CABP1: variants seen among roughly 807,000 people sequenced by gnomAD.
The protein encoded by CABP1 is calcium-binding protein 1.
Under a neutral mutation model 34.3 loss-of-function variants are expected in CABP1, and 17 were observed. That is an observed-to-expected ratio of 0.50 (90% CI 0.34 to 0.74). CABP1 has a LOEUF of 0.74. CABP1 is among the 30% of genes least tolerant of loss of function. The probability of loss-of-function intolerance (pLI) is 0.01; values close to 1 mark genes in which losing one functional copy is unlikely to be tolerated. For missense variants in CABP1, 373 were observed against 511.1 expected (o/e 0.73, Z 2.61); for synonymous variants, 198 against 229.2 (o/e 0.86, Z 1.23).
At position 120,667,027 on chromosome 12, in the gene CABP1, C is replaced by T; in HGVS notation, c.*127C>T. On this transcript the variant is annotated 3_prime_UTR_variant, in exon 6 of 6. Coordinates refer to ENST00000316803, the MANE Select transcript of CABP1 (RefSeq NM_001033677.2). ...CTGGCGGATGGGGCCTGCCTGCACCCCGGGGAGGCGCCCACCCCGGACCCC... is the reference window on the plus strand; with the variant it reads ...CTGGCGGATGGGGCCTGCCTGCACCTCGGGGAGGCGCCCACCCCGGACCCC... 1 of 1,193,402 alleles carries T rather than the reference C, an allele frequency of 8.4e-7. No homozygotes were observed. Among genetic ancestry groups the T allele is most frequent in the Non-Finnish European group, 1.2e-6 (1 of 839,614 alleles). The allele number at this position is 1,193,402 out of a possible 1,614,324, so 73.9% of individuals were successfully genotyped here. A position where few individuals can be genotyped will look rare whatever the true frequency, so the allele number is the denominator to read the frequency against.
chr12:120,675,205 G>A, the CABP1 span, among the ~76,000 whole-genome samples: 5 of 151,798 alleles, frequency 3.3e-5, no homozygotes, highest in African/African-American at 7.2e-5. Flanking sequence ...GGTGTGCACC[G>A]CCACGCCCAG....
rs1318486233 is a variant in CABP1 at position 120,666,983 on chromosome 12, G to A, written c.*83G>A. The A allele has an allele frequency of 8.0e-6, 12 of 1,506,466 alleles. No individual in the cohort carries two copies. In the Admixed American group the frequency reaches 1.2e-4, roughly 15 times the overall value. 93.3% of individuals were successfully genotyped at this position (1,506,466 alleles called of 1,614,324 possible). ...AGAGCTTGCCTCACCCGCTGTAGCC[G>A]CCGAGAGCCCAGGATGTACTGGCGG... is the stretch of plus-strand genomic sequence containing the variant. On this transcript the variant is annotated 3_prime_UTR_variant, in exon 6 of 6. Coordinates refer to ENST00000316803, the MANE Select transcript of CABP1 (RefSeq NM_001033677.2).
intron 1 of CABP1, chr12:120,655,740 T>C (rs1236100175): frequency 6.9e-7 from 1 of 1,459,544 alleles, no homozygotes; most frequent in African/African-American, 1.4e-5. Context: ...ACACTTCCCA[T>C]TGGTGAGAAT....
intron 1 of CABP1, chr12:120,656,305 C>G (rs1880209609): frequency 1.3e-6 from 2 of 1,508,276 alleles, no homozygotes; most frequent in Non-Finnish European, 1.8e-6. Flanking sequence ...GCCCGCTGAA[C>G]TTGGCTTCAC....
At chr12:120,672,463 T>C in the CABP1 span, among the ~76,000 whole-genome samples, 1 of 151,546 alleles carries the variant, frequency 6.6e-6, no homozygotes, top group Admixed American at 6.6e-5. Context: ...AGAAACCCTG[T>C]CTCTACTAAA....
rs1880840441 is a variant in CABP1, at chr12:120,664,435, G to T, written c.1088-2440G>T. On this transcript the variant is annotated intron_variant, in intron 5 of 5. Transcript: ENST00000316803. Reference sequence around the variant, plus strand: ...TTACCCAAATGAGTTGAAAACCTATGTCCACACAAATCTGTACATAGATGC... The same window carrying T: ...TTACCCAAATGAGTTGAAAACCTATTTCCACACAAATCTGTACATAGATGC... 3.9e-5 allele frequency among the ~76,000 whole-genome samples: 6 copies of T among 152,310 alleles called. No homozygotes were observed. In the South Asian group the frequency reaches 1.2e-3, roughly 32 times the overall value.
intron 5 of CABP1, among the ~76,000 whole-genome samples, chr12:120,666,299 C>G (rs1880979398): frequency 6.7e-6 from 1 of 150,282 alleles, no homozygotes; most frequent in Admixed American, 6.6e-5. Context: ...CATGGTGAAA[C>G]CCCATCTCTA....
intron 1 of CABP1, among the ~76,000 whole-genome samples, chr12:120,648,937 T>C (rs1319725799): frequency 1.3e-5 from 2 of 150,684 alleles, no homozygotes; most frequent in African/African-American, 4.9e-5. Flanking sequence ...CTCCCCGTCC[T>C]TCCCATTCAT....
intron 5 of CABP1, among the ~76,000 whole-genome samples, chr12:120,665,743 C>A (rs1880931843): frequency 6.6e-6 from 1 of 151,952 alleles, no homozygotes; most frequent in Admixed American, 6.6e-5. Flanking sequence ...AGAGAGAGGC[C>A]CGGCGCGGTG....
In CABP1 at chr12:120,660,110, T is replaced by C. The variant is rs1411428748; in HGVS notation, c.686-86T>C. The C allele has an allele frequency of 1.9e-6, 3 of 1,543,960 alleles. No individual in the cohort carries two copies. The highest frequency in any genetic ancestry group is 2.7e-6 in the Non-Finnish European group (3 of 1,131,066). ...GGAAGCTCCTGGGCCTCTCTTTCCA[T>C]GCCGGTGGGCCTTTGGGCTGCCTTT... is the stretch of plus-strand genomic sequence containing the variant. On this transcript the variant is annotated intron_variant, in intron 2 of 5. Transcript: ENST00000316803. The surrounding 1 kb of genome is among the most constrained non-coding windows in gnomAD (Gnocchi z 5.0).
intron 5 of CABP1, 39 bp from the exon 6 acceptor site, chr12:120,666,836 G>T: frequency 6.3e-7 from 1 of 1,589,208 alleles, no homozygotes. Flanking sequence ...GAGGCCTCTG[G>T]CTGCTGCTTG....
At chr12:120,656,852 G>A (rs1200882058) in intron 1 of CABP1, among the ~76,000 whole-genome samples, 1 of 152,124 alleles carries the variant, frequency 6.6e-6, no homozygotes, top group Non-Finnish European at 1.5e-5. Flanking sequence ...CCAAGGTCGC[G>A]CCATGGCACT....
At chr12:120,650,086 G>A (rs1879750071) in intron 1 of CABP1, 1 of 157,012 alleles carries the variant, frequency 6.4e-6, no homozygotes, top group Non-Finnish European at 1.4e-5. Flanking sequence ...GGAGCTGTGC[G>A]GCAGGCACCC....
chr12:120,649,488 C>T (rs1879710129), intron 1 of CABP1, among the ~76,000 whole-genome samples: 1 of 152,114 alleles, frequency 6.6e-6, no homozygotes, highest in Non-Finnish European at 1.5e-5. Flanking sequence ...ATATCAAAGC[C>T]GACCCTGGAG....
At chr12:120,676,359 G>A in the CABP1 span, among the ~76,000 whole-genome samples, 3 of 152,044 alleles carry the variant, frequency 2.0e-5, no homozygotes, top group Non-Finnish European at 2.9e-5. Flanking sequence ...TATAGGACTC[G>A]TTACCTCCCC....
At chr12:120,651,665 C>T (rs1879855172) in intron 1 of CABP1, among the ~76,000 whole-genome samples, 1 of 152,204 alleles carries the variant, frequency 6.6e-6, no homozygotes, top group African/African-American at 2.4e-5. Context: ...TCCCCAACCC[C>T]ATCCTATCTT....
In CABP1 at chr12:120,659,891, G is replaced by C; in HGVS notation, c.668G>C (p.Arg223Pro). ...CTTTTGTTTCAGGATAGATCACTGC[G>C]ACCAGAGGAAATTGAAGGTAAAACT... ...SSAFGQDRSL[R>P]PEEIEELREA... Residue 223 changes from arginine to proline, a missense_variant, in exon 2 of 6, where the codon CGA (arginine) becomes CCA (proline). By Grantham distance (103) the Arg-to-Pro change is moderately radical (BLOSUM62 -2). Coordinates refer to ENST00000316803, the MANE Select transcript of CABP1 (RefSeq NM_001033677.2). 6.2e-7 allele frequency: 1 copy of C among 1,613,944 alleles called. No individual in the cohort carries two copies. The highest frequency in any genetic ancestry group is 8.5e-7 in the Non-Finnish European group (1 of 1,179,982).
At position 120,661,922 on chromosome 12, in the gene CABP1, A is replaced by G. The variant is rs1156244617; in HGVS notation, c.1087+704A>G. On this transcript the variant is annotated intron_variant, in intron 5 of 5. Coordinates refer to ENST00000316803, the MANE Select transcript of CABP1 (RefSeq NM_001033677.2). The surrounding 1 kb of genome is among the most constrained non-coding windows in gnomAD (Gnocchi z 5.1). ...CTTCTCTACATTCACCCATGAATCT[A>G]TCTATGTATTCATCTACTCATATAG... 2 of 152,588 alleles carry G rather than the reference A, an allele frequency of 1.3e-5. No homozygotes were observed. Among genetic ancestry groups the G allele is most frequent in the Non-Finnish European group, 1.5e-5 (1 of 68,338 alleles). 9.5% of individuals were successfully genotyped at this position (152,588 alleles called of 1,614,324 possible).
At chr12:120,662,018 A>G (rs1295262055) in intron 5 of CABP1, 1 of 152,150 alleles carries the variant, frequency 6.6e-6, no homozygotes, top group Non-Finnish European at 1.5e-5. Flanking sequence ...ATATACTTCT[A>G]CCCATACTTG....
Sources: gnomAD v4.1 joint callset for allele counts (sites outside exome capture counted in the v4.1 genomes callset) on GRCh38, gnomAD v4.1.1 for gene constraint, Gnocchi (gnomAD v3.1) non-coding constraint, MANE v1.5 for transcripts, NCBI Gene and HGNC (gene_info 2026-07-23, HGNC 2026-07-21) for gene names.